Variants in ZNF764 observed in about 807,000 individuals in gnomAD.
The protein encoded by ZNF764 is zinc finger protein 764.
ZNF764 carries 10 observed loss-of-function variants against 13.9 expected under a neutral mutation model. The observed-to-expected ratio is 0.72, with a 90% CI of 0.44 to 1.22. The LOEUF is 1.22. Among genes scored for constraint, ZNF764 ranks in the 50% most tolerant of loss-of-function variants. The pLI, the probability that ZNF764 is intolerant of heterozygous loss-of-function variation, is 0.00. For synonymous variants in ZNF764, 313 were observed against 255.1 expected (o/e 1.23, Z -2.16); for missense variants, 647 against 589.7 (o/e 1.10, Z -1.01).
At position 30,555,200 on chromosome 16, in the gene ZNF764, A is replaced by C; in HGVS notation, c.1218T>G (p.Cys406Trp). ...FQLYPEIFQE[C>W]G is the part of the protein sequence containing the mutation. The stretch of plus-strand genomic sequence containing the variant: ...ATAGTCACTTTTAAGGCCGTCACCC[A>C]CACTCCTGGAATATCTCCGGGTACA... The change falls in exon 3 of 3, where the codon TGT becomes TGG. Residue 406 changes from cysteine to tryptophan, a missense_variant. By Grantham distance (215) the Cys-to-Trp change is radical. Transcript: ENST00000395091. 1 of 1,607,666 alleles carries C rather than the reference A, an allele frequency of 6.2e-7. No individual in the cohort carries two copies. Among genetic ancestry groups the C allele is most frequent in the Non-Finnish European group, 8.5e-7 (1 of 1,177,166 alleles).
chr16:30,556,142 G>C (rs769016514), intron 2 of ZNF764, 35 bp from the exon 3 acceptor site: 2 of 1,605,526 alleles, frequency 1.2e-6, no homozygotes, highest in African/African-American at 1.3e-5. Context: ...GTTCAGGCTC[G>C]GCTCATCCTG....
In ZNF764 at chr16:30,555,250, G is replaced by C. The variant is rs1021617084; in HGVS notation, c.1168C>G (p.Leu390Val). The change falls in exon 3 of 3, where the codon CTG (leucine) becomes GTG (valine). Residue 390 changes from leucine to valine, a missense_variant. Leu to Val is a conservative substitution (Grantham distance 32). Transcript: ENST00000395091. ...AGCTGGAAGCCCACGGGCGGGTCCA[G>C]GTCTCCGTGGCCAGGGGTCAGGGTC... is the stretch of plus-strand genomic sequence containing the variant. Reference protein sequence around the residue: ...SVTLTPGHGDLDPPVGFQLYP... With the variant: ...SVTLTPGHGDVDPPVGFQLYP... 8 of 1,612,368 alleles carry C rather than the reference G, an allele frequency of 5.0e-6. No individual in the cohort carries two copies. The highest frequency in any genetic ancestry group is 5.9e-6 in the Non-Finnish European group (7 of 1,179,324).
chr16:30,555,515 C>A lies in ZNF764; in HGVS notation c.903G>T (p.Leu301=). 1 of 1,537,374 alleles carries A rather than the reference C, an allele frequency of 6.5e-7. No individual in the cohort carries two copies. The change falls in exon 3 of 3, where the codon CTG becomes CTT. Residue 301 remains leucine (L), a synonymous_variant. Coordinates refer to ENST00000395091, the MANE Select transcript of ZNF764 (RefSeq NM_001172679.2). The part of the protein sequence containing the change: ...CGRAFAYPSD[L]RRHVRTHTGE... Reference sequence around the variant, plus strand: ...CGGTGTGGGTGCGCACGTGGCGCCGCAGGTCCGAGGGGTAGGCGAAGGCGC... The same window carrying A: ...CGGTGTGGGTGCGCACGTGGCGCCGAAGGTCCGAGGGGTAGGCGAAGGCGC...
Position 30,555,660 on chromosome 16 carries a change from G to C in ZNF764, c.758C>G (p.Thr253Ser). 6.5e-7 allele frequency: 1 copy of C among 1,547,080 alleles called. No homozygotes were observed. Among genetic ancestry groups the C allele is most frequent in the South Asian group, 1.2e-5 (1 of 85,052 alleles). The change falls in exon 3 of 3, where the codon ACC becomes AGC. Residue 253 changes from threonine (T) to serine (S), a missense_variant. Transcript: ENST00000395091. ...SALTSHLRVH[T>S]GEKPYGCADC... ...GGCGCAGCCATAGGGTTTCTCGCCG[G>C]TGTGGACGCGCAGGTGCGAAGTCAG...
chr16:30,555,321 G>C lies in ZNF764; in HGVS notation c.1097C>G (p.Pro366Arg), dbSNP rs2051539777. 4.3e-6 allele frequency: 7 copies of C among 1,609,708 alleles called. No homozygotes were observed. The highest frequency in any genetic ancestry group is 5.9e-6 in the Non-Finnish European group (7 of 1,178,186). The change falls in exon 3 of 3, where the codon CCC becomes CGC. Residue 366 changes from proline to arginine, a missense_variant. By Grantham distance (103) the Pro-to-Arg change is moderately radical (BLOSUM62 -2). Transcript: ENST00000395091. Reference sequence around the variant, plus strand: ...CCGGCCCCTGTGGCCCCCGGCCCCGGGCCGATGAACCCACTGGTGTTTGGC... The same window carrying C: ...CCGGCCCCTGTGGCCCCCGGCCCCGCGCCGATGAACCCACTGGTGTTTGGC... Reference protein sequence around the residue: ...AVAKHQWVHRPGAGGHRGRVA... With the variant: ...AVAKHQWVHRRGAGGHRGRVA...
chr16:30,556,493 A>T (rs1014426624), intron 2 of ZNF764, among the ~76,000 whole-genome samples: 2 of 152,014 alleles, frequency 1.3e-5, no homozygotes, highest in African/African-American at 2.4e-5. Flanking sequence ...AAAGAAAAAA[A>T]GGGGGGCGGA....
rs2051535204 is a variant in ZNF764, at chr16:30,554,973, C to T, written c.*221G>A. 3.6e-6 allele frequency: 2 copies of T among 552,202 alleles called. No individual in the cohort carries two copies. The highest frequency in any genetic ancestry group is 2.8e-5 in the South Asian group (1 of 35,736). The allele number at this position is 552,202 out of a possible 1,614,324, so 34.2% of individuals were successfully genotyped here. A position where few individuals can be genotyped will look rare whatever the true frequency, so the allele number is the denominator to read the frequency against. ...CTTATGTAGGTCTGGGGGTTCTCAA[C>T]TCAGCCCTGCCTCAGTAGAGGGGGC... On this transcript the variant is annotated 3_prime_UTR_variant, in exon 3 of 3. Transcript: ENST00000395091.
chr16:30,556,128 G>A, intron 2 of ZNF764, 21 bp from the exon 3 acceptor site: 2 of 1,608,664 alleles, frequency 1.2e-6, no homozygotes, highest in Non-Finnish European at 1.7e-6. Flanking sequence ...ATAAAGAGGG[G>A]AGAGTTCAGG....
rs2051538291 is a variant in ZNF764 at position 30,555,249 on chromosome 16, A to G, written c.1169T>C (p.Leu390Pro). ...CAGCTGGAAGCCCACGGGCGGGTCC[A>G]GGTCTCCGTGGCCAGGGGTCAGGGT... is the stretch of plus-strand genomic sequence containing the variant. ...SVTLTPGHGD[L>P]DPPVGFQLYP... is the part of the protein sequence containing the mutation. Residue 390 changes from leucine (L) to proline (P), a missense_variant, in exon 3 of 3, where the codon CTG (leucine) becomes CCG (proline). Transcript: ENST00000395091. The G allele has an allele frequency of 6.2e-7, 1 of 1,612,378 alleles. No individual in the cohort carries two copies. The highest frequency in any genetic ancestry group is 2.2e-5 in the East Asian group (1 of 44,846).
In ZNF764 at chr16:30,557,969, A is replaced by T. The variant is rs776395641; in HGVS notation, c.196+18T>A. ...CCTGTGGGGGCGCAGGGCTCAGGCG[A>T]GCAGGTGGGGCTCTCACCGAGAGCG... On this transcript the variant is annotated intron_variant, in intron 1 of 2. Transcript: ENST00000395091. 1.3e-6 allele frequency: 2 copies of T among 1,587,176 alleles called. No individual in the cohort carries two copies. The highest frequency in any genetic ancestry group is 8.6e-7 in the Non-Finnish European group (1 of 1,167,962).
rs1311792191 is a variant in ZNF764, at chr16:30,553,849, A to G, written c.*1345T>C. ...TGAGTGCTACAGACCACTGTTTGCAAACTCAAATGACCATAGGAACTCAGC... is the reference window on the plus strand; with the variant it reads ...TGAGTGCTACAGACCACTGTTTGCAGACTCAAATGACCATAGGAACTCAGC... On this transcript the variant is annotated 3_prime_UTR_variant, in exon 3 of 3. Transcript: ENST00000395091. 6.6e-6 allele frequency: 1 copy of G among 152,258 alleles called. No homozygotes were observed. Among genetic ancestry groups the G allele is most frequent in the Admixed American group, 6.5e-5 (1 of 15,292 alleles). The allele number at this position is 152,258 out of a possible 1,614,324, so 9.4% of individuals were successfully genotyped here. A position where few individuals can be genotyped will look rare whatever the true frequency, so the allele number is the denominator to read the frequency against.
Position 30,555,484 on chromosome 16 carries a change from T to C in ZNF764, c.934A>G (p.Lys312Glu). The C allele has an allele frequency of 6.4e-7, 1 of 1,550,588 alleles. No homozygotes were observed. Among genetic ancestry groups the C allele is most frequent in the Non-Finnish European group, 8.7e-7 (1 of 1,152,714 alleles). ...RRHVRTHTGE[K>E]PYPCPDCGRC... is the part of the protein sequence containing the mutation. ...CCGCAGTCCGGGCACGGGTAGGGCT[T>C]CTCGCCGGTGTGGGTGCGCACGTGG... Residue 312 changes from lysine (K) to glutamate (E), a missense_variant, in exon 3 of 3, where the codon AAG (lysine) becomes GAG (glutamate). Transcript: ENST00000395091.
At position 30,556,077 on chromosome 16, in the gene ZNF764, C is replaced by G. The variant is rs751282369; in HGVS notation, c.341G>C (p.Arg114Thr). Reference sequence around the variant, plus strand: ...CTTCTCCAGGGCTCCCGTCCCTTCCCTTTGTCTTTCCTTTTTCTTGTTTCT... The same window carrying G: ...CTTCTCCAGGGCTCCCGTCCCTTCCGTTTGTCTTTCCTTTTTCTTGTTTCT... ...DSRNKKKERQREGTGALEKPD... is the reference protein window; with the variant it reads ...DSRNKKKERQTEGTGALEKPD... Residue 114 changes from arginine (R) to threonine (T), a missense_variant, in exon 3 of 3, where the codon AGG becomes ACG. Transcript: ENST00000395091. 9.3e-6 allele frequency: 15 copies of G among 1,612,002 alleles called. No individual in the cohort carries two copies. The highest frequency in any genetic ancestry group is 1.3e-5 in the Non-Finnish European group (15 of 1,180,040).
In ZNF764 at chr16:30,558,088, G is replaced by A. The variant is rs1191874983; in HGVS notation, c.95C>T (p.Ala32Val). The A allele has an allele frequency of 6.2e-7, 1 of 1,611,250 alleles. No homozygotes were observed. ...CCACTCCTCCCGGCAGAAGTACACGGCCACGTCCGCGAAGCTCACAGCCCC... is the reference window on the plus strand; with the variant it reads ...CCACTCCTCCCGGCAGAAGTACACGACCACGTCCGCGAAGCTCACAGCCCC... ...EPGAVSFADV[A>V]VYFCREEWGC... is the part of the protein sequence containing the mutation. The change falls in exon 1 of 3, where the codon GCC becomes GTC. Residue 32 changes from alanine (A) to valine (V), a missense_variant. Coordinates refer to ENST00000395091, the MANE Select transcript of ZNF764 (RefSeq NM_001172679.2).
chr16:30,556,240 C>T lies in ZNF764; in HGVS notation c.311-133G>A. ...GGAGATGGAGGAGTGACACCTGTTC[C>T]TCGGCTGCAGAGCCAGACAGAGCCG... On this transcript the variant is annotated intron_variant, in intron 2 of 2. Transcript: ENST00000395091. 6 of 1,049,768 alleles carry T rather than the reference C, an allele frequency of 5.7e-6. No individual in the cohort carries two copies. In the South Asian group the frequency reaches 8.6e-5, roughly 15 times the overall value. The allele number at this position is 1,049,768 out of a possible 1,614,324, so 65.0% of individuals were successfully genotyped here.
At chr16:30,557,008 C>T (rs1439232042) in intron 2 of ZNF764, among the ~76,000 whole-genome samples, 6 of 152,044 alleles carry the variant, frequency 3.9e-5, no homozygotes, top group South Asian at 2.1e-4. Context: ...GGCGTGGTGG[C>T]GGGCGCCTGT....
chr16:30,555,151 T>C lies in ZNF764; in HGVS notation c.*43A>G. ...GCAGAGGTTCGGGCCCCTGAGCCCATCTCGGGCCTCCCGTAATGTCTAGAT... is the reference window on the plus strand; with the variant it reads ...GCAGAGGTTCGGGCCCCTGAGCCCACCTCGGGCCTCCCGTAATGTCTAGAT... On this transcript the variant is annotated 3_prime_UTR_variant, in exon 3 of 3. Transcript: ENST00000395091. 6.4e-7 allele frequency: 1 copy of C among 1,551,842 alleles called. No homozygotes were observed. The highest frequency in any genetic ancestry group is 8.7e-7 in the Non-Finnish European group (1 of 1,150,866).
Position 30,555,421 on chromosome 16 carries a change from T to C in ZNF764, c.997A>G (p.Arg333Gly), listed in dbSNP as rs749173007. 7.1e-6 allele frequency: 11 copies of C among 1,556,454 alleles called. No individual in the cohort carries two copies. In the East Asian group the frequency reaches 2.5e-4, roughly 36 times the overall value. Residue 333 changes from arginine to glycine, a missense_variant, in exon 3 of 3, where the codon AGG (arginine) becomes GGG (glycine). Transcript: ENST00000395091. ...GGCTTCTCGCCGCTGTGGGTGCGCC[T>C]GTGGGCTGCCATCTCCGAGCTCTGG... ...FRQSSEMAAHRRTHSGEKPYP... is the reference protein window; with the variant it reads ...FRQSSEMAAHGRTHSGEKPYP...
Position 30,558,281 on chromosome 16 carries a change from C to T in ZNF764, c.-99G>A, listed in dbSNP as rs927944064. On this transcript the variant is annotated 5_prime_UTR_variant, in exon 1 of 3. Transcript: ENST00000395091. ...CGAGAAAGCCTCCCCGGCCCGGGCC[C>T]AAGGGAAGGAGGGAGGTTACTAGGG... 112 of 1,385,860 alleles carry T rather than the reference C, an allele frequency of 8.1e-5. No homozygotes were observed. The highest frequency in any genetic ancestry group is 1.0e-4 in the Non-Finnish European group (107 of 1,052,716). 85.8% of individuals were successfully genotyped at this position (1,385,860 alleles called of 1,614,324 possible).
Sources: gnomAD v4.1 joint callset for allele counts (sites outside exome capture counted in the v4.1 genomes callset) on GRCh38, gnomAD v4.1.1 for gene constraint, MANE v1.5 for transcripts, NCBI Gene and HGNC (gene_info 2026-07-23, HGNC 2026-07-21) for gene names.